Variants in PALS2 observed in about 807,000 individuals in gnomAD.
PALS2 encodes the protein protein associated with LIN7 2, MAGUK p55 family member.
A neutral mutation model predicts 61.6 loss-of-function variants in PALS2; 27 were observed. The ratio of observed to expected loss-of-function variants is 0.44; its 90% CI spans 0.32 to 0.60. PALS2 has a LOEUF of 0.60. PALS2 is among the 20% of genes least tolerant of loss of function. The pLI, the probability that PALS2 is intolerant of heterozygous loss-of-function variation, is 0.05. For missense variants in PALS2, 554 were observed against 639.4 expected (o/e 0.87, Z 1.44); for synonymous variants, 236 against 218.6 (o/e 1.08, Z -0.70).
intron 2 of PALS2, among the ~76,000 whole-genome samples, chr7:24,629,438 C>CACCAA (rs1784892728): frequency 6.6e-6 from 1 of 152,190 alleles, no homozygotes; most frequent in Non-Finnish European, 1.5e-5. Context: ...GCACAGACTT[C>CACCAA]ATGATTAAAA....
intron 2 of PALS2, among the ~76,000 whole-genome samples, chr7:24,637,974 C>G (rs1039438670): frequency 6.6e-6 from 1 of 151,990 alleles, no homozygotes; most frequent in Non-Finnish European, 1.5e-5. Flanking sequence ...AAAAAGAAAA[C>G]AAGATTTATT....
chr7:24,633,720 C>G (rs1231447726), intron 2 of PALS2, among the ~76,000 whole-genome samples: 1 of 152,040 alleles, frequency 6.6e-6, no homozygotes, highest in African/African-American at 2.4e-5. Flanking sequence ...CATTCTTGGA[C>G]ACACTTTTAT....
intron 1 of PALS2, among the ~76,000 whole-genome samples, chr7:24,604,751 C>T (rs1483260057): frequency 6.6e-6 from 1 of 152,204 alleles, no homozygotes; most frequent in Non-Finnish European, 1.5e-5. Context: ...GCTCCACCCT[C>T]ATGACCTAGT....
chr7:24,620,950 A>G (rs1042372436), intron 1 of PALS2, among the ~76,000 whole-genome samples: 1 of 152,144 alleles, frequency 6.6e-6, no homozygotes, highest in African/African-American at 2.4e-5. Context: ...GAAGTTTTCC[A>G]TAATAAAAGC....
Position 24,692,268 on chromosome 7 carries a change from C to G in PALS2, c.*4654C>G, listed in dbSNP as rs1788511015. ...TGCAGTACTTTTTAAAAAATATTCT[C>G]TAGTGATAAAAGTAAAGACAGGGTA... On this transcript the variant is annotated 3_prime_UTR_variant, in exon 12 of 12. Coordinates refer to ENST00000222644, the MANE Select transcript of PALS2 (RefSeq NM_001303037.2). The G allele has an allele frequency of 6.6e-6, 1 of 152,146 alleles. No individual in the cohort carries two copies. Among genetic ancestry groups the G allele is most frequent in the South Asian group, 2.1e-4 (1 of 4,830 alleles). 9.4% of individuals were successfully genotyped at this position (152,146 alleles called of 1,614,324 possible).
chr7:24,650,750 T>G, intron 5 of PALS2, 38 bp downstream of exon 5: 3 of 1,315,672 alleles, frequency 2.3e-6, no homozygotes, highest in Non-Finnish European at 3.1e-6. Context: ...AAAAATACTT[T>G]CATGTTTTTA....
At chr7:24,637,610 T>G (rs1281472846) in intron 2 of PALS2, among the ~76,000 whole-genome samples, 1 of 152,220 alleles carries the variant, frequency 6.6e-6, no homozygotes, top group Non-Finnish European at 1.5e-5. Flanking sequence ...GATATGGTCC[T>G]TGTGTTTTAG....
At chr7:24,587,913 C>T (rs537906624) in intron 1 of PALS2, among the ~76,000 whole-genome samples, 3 of 152,278 alleles carry the variant, frequency 2.0e-5, no homozygotes, top group African/African-American at 7.2e-5. Flanking sequence ...CGAGCTAATA[C>T]AGTTTGATCT....
chr7:24,623,554 C>G, intron 1 of PALS2, 112 bp from the exon 2 acceptor site: 1 of 599,828 alleles, frequency 1.7e-6, no homozygotes, highest in Non-Finnish European at 2.9e-6. Flanking sequence ...AAAGAGTATT[C>G]TTAATGTCTA....
At chr7:24,583,937 T>G (rs1782952780) in intron 1 of PALS2, among the ~76,000 whole-genome samples, 1 of 151,238 alleles carries the variant, frequency 6.6e-6, no homozygotes, top group African/African-American at 2.4e-5. Flanking sequence ...TCACGATAGT[T>G]TACTGAGAAT....
chr7:24,671,545 TTA>T (rs1289247182), intron 9 of PALS2, among the ~76,000 whole-genome samples: 12 of 152,310 alleles, frequency 7.9e-5, no homozygotes, highest in Admixed American at 4.6e-4. Context: ...AAGTCCAAAT[TTA>T]TATGTCTTTT....
chr7:24,687,429 C>A lies in PALS2; in HGVS notation c.1447-9C>A. ...AATACAAACATTTCCTTTTAAAACT[C>A]TTCAACAGGACTCTGACTTGAAGAA... On this transcript the variant is annotated splice_polypyrimidine_tract_variant and intron_variant, in intron 11 of 11. Coordinates refer to ENST00000222644, the MANE Select transcript of PALS2 (RefSeq NM_001303037.2). This position sits in a 1 kb window ranked among gnomAD's most constrained non-coding sequence, Gnocchi z 4.5. 2 of 1,603,578 alleles carry A rather than the reference C, an allele frequency of 1.2e-6. No homozygotes were observed. The highest frequency in any genetic ancestry group is 1.9e-4 in the Middle Eastern group (1 of 5,352).
intron 2 of PALS2, among the ~76,000 whole-genome samples, chr7:24,638,212 A>G (rs1359416751): frequency 6.6e-6 from 1 of 151,904 alleles, no homozygotes; most frequent in Admixed American, 6.6e-5. Flanking sequence ...TTCTTAGAAA[A>G]AGTAAAATTG....
intron 9 of PALS2, among the ~76,000 whole-genome samples, chr7:24,672,614 T>C (rs933381532): frequency 2.0e-5 from 3 of 152,216 alleles, no homozygotes; most frequent in African/African-American, 4.8e-5. Context: ...TGTACAAATA[T>C]TATGCTGCTT....
chr7:24,693,879 G>A lies in PALS2; in HGVS notation c.*6265G>A, dbSNP rs1788587392. The stretch of plus-strand genomic sequence containing the variant: ...TATTTGATGTGAAAACCTTGCTGTG[G>A]GAATTTTTTATTCTTCCTTTTCCCC... On this transcript the variant is annotated 3_prime_UTR_variant, in exon 12 of 12. Coordinates refer to ENST00000222644, the MANE Select transcript of PALS2 (RefSeq NM_001303037.2). The A allele has an allele frequency of 6.6e-6, 1 of 151,980 alleles. No individual in the cohort carries two copies. The highest frequency in any genetic ancestry group is 2.4e-5 in the African/African-American group (1 of 41,370). 9.4% of individuals were successfully genotyped at this position (151,980 alleles called of 1,614,324 possible). A position where few individuals can be genotyped will look rare whatever the true frequency, so the allele number is the denominator to read the frequency against.
chr7:24,658,560 CT>C (rs35030453), intron 5 of PALS2, among the ~76,000 whole-genome samples: 73,935 of 134,796 alleles, frequency 0.55, 21,602 homozygotes, highest in East Asian at 0.86. Context: ...TTTCTTCCAA[CT>C]TTTTTTTTTT....
intron 3 of PALS2, among the ~76,000 whole-genome samples, chr7:24,642,880 A>G (rs1418989391): frequency 6.6e-6 from 1 of 152,118 alleles, no homozygotes; most frequent in African/African-American, 2.4e-5. Context: ...GACAATGGGA[A>G]ACTTTAGGTG....
intron 11 of PALS2, among the ~76,000 whole-genome samples, chr7:24,686,242 T>C: frequency 6.6e-6 from 1 of 152,204 alleles, no homozygotes; most frequent in East Asian, 1.9e-4. Context: ...TCATCTCCTC[T>C]GTCACCATCA....
chr7:24,601,130 G>A (rs1783707056), intron 1 of PALS2, among the ~76,000 whole-genome samples: 2 of 152,030 alleles, frequency 1.3e-5, no homozygotes, highest in Non-Finnish European at 2.9e-5. Context: ...AACCATTATG[G>A]AGGATGAGGA....
Sources: allele counts gnomAD v4.1 joint callset (sites outside exome capture counted in the v4.1 genomes callset), GRCh38; gene constraint gnomAD v4.1.1; non-coding constraint Gnocchi (gnomAD v3.1); transcripts MANE v1.5; gene names NCBI Gene and HGNC (gene_info 2026-07-23, HGNC 2026-07-21).